The following RBKS variants were observed in gnomAD, a reference collection of about 807,000 sequenced individuals.
RBKS encodes ribokinase.
RBKS carries 33 observed loss-of-function variants against 33.9 expected under a neutral mutation model. That is an observed-to-expected ratio of 0.97 (90% confidence interval 0.74 to 1.30). The LOEUF is 1.30. RBKS is among the 50% of genes most tolerant of loss of function. RBKS has a pLI of 0.00. For synonymous variants in RBKS, 125 were observed against 143.0 expected (o/e 0.87, Z 0.90); for missense variants, 361 against 392.6 (o/e 0.92, Z 0.68).
intron 7 of RBKS, chr2:27,782,705 C>A: frequency 2.5e-6 from 1 of 403,602 alleles, no homozygotes; most frequent in Non-Finnish European, 5.5e-6. Flanking sequence ...GTAGTCTTTG[C>A]CAAGTTTCTC....
intron 7 of RBKS, among the ~76,000 whole-genome samples, chr2:27,796,460 TCA>T (rs1307966741): frequency 6.6e-6 from 1 of 152,226 alleles, no homozygotes; most frequent in Non-Finnish European, 1.5e-5. Context: ...CTTTGCCTTC[TCA>T]CAGTGATTTC....
In RBKS at chr2:27,858,519, A is replaced by C; in HGVS notation, c.142T>G (p.Phe48Val). Residue 48 changes from phenylalanine to valine, a missense_variant, in exon 2 of 8, where the codon TTT (phenylalanine) becomes GTT (valine). By Grantham distance (50) the Phe-to-Val change is conservative (BLOSUM62 -1). Transcript: ENST00000302188. ...TGETIHGHKF[F>V]IGFGGKGANQ... The stretch of plus-strand genomic sequence containing the variant: ...GCACCTTTCCCTCCAAAGCCAATAA[A>C]AAACTTATGTCCATGGATGGTTTCT... The C allele has an allele frequency of 6.2e-7, 1 of 1,614,116 alleles. No homozygotes were observed. The highest frequency in any genetic ancestry group is 8.5e-7 in the Non-Finnish European group (1 of 1,179,988).
intron 2 of RBKS, among the ~76,000 whole-genome samples, chr2:27,852,766 A>G (rs1351585024): frequency 6.6e-6 from 1 of 152,252 alleles, no homozygotes; most frequent in African/African-American, 2.4e-5. Context: ...ACCGATTTCA[A>G]AGCATTAGAA....
At chr2:27,813,101 A>T (rs539412186) in intron 7 of RBKS, among the ~76,000 whole-genome samples, 1 of 152,244 alleles carries the variant, frequency 6.6e-6, no homozygotes. Flanking sequence ...CAAGAGATCA[A>T]AATAAAAGTA....
intron 7 of RBKS, among the ~76,000 whole-genome samples, chr2:27,799,648 G>A (rs370327038): frequency 5.9e-5 from 9 of 152,344 alleles, no homozygotes; most frequent in East Asian, 3.9e-4. Context: ...GAAAGGGAGA[G>A]AGGGCAAATG....
At chr2:27,801,462 TATACACACACACAC>T (rs990763076) in intron 7 of RBKS, among the ~76,000 whole-genome samples, 12 of 83,074 alleles carry the variant, frequency 1.4e-4, no homozygotes, top group Non-Finnish European at 2.5e-4. Flanking sequence ...AGGGCCACAG[TATACACACACACAC>T]ACACACACAC....
intron 1 of RBKS, among the ~76,000 whole-genome samples, chr2:27,863,578 T>C (rs746195399): frequency 2.6e-5 from 4 of 152,190 alleles, no homozygotes; most frequent in Non-Finnish European, 4.4e-5. Flanking sequence ...GACCCGGTAA[T>C]AGGGGGATGA....
At chr2:27,885,533 T>C (rs1197036009) in intron 1 of RBKS, among the ~76,000 whole-genome samples, 2 of 152,212 alleles carry the variant, frequency 1.3e-5, no homozygotes, top group African/African-American at 2.4e-5. Flanking sequence ...ATACGGCCTT[T>C]GAGTACACTA....
At chr2:27,826,236 CTTCTT>C (rs1678309073) in intron 7 of RBKS, among the ~76,000 whole-genome samples, 1 of 152,126 alleles carries the variant, frequency 6.6e-6, no homozygotes, top group African/African-American at 2.4e-5. Context: ...TCCCCTCAGC[CTTCTT>C]TTTTCATAAT....
chr2:27,785,780 G>T (rs1198812925), intron 7 of RBKS, among the ~76,000 whole-genome samples: 2 of 150,550 alleles, frequency 1.3e-5, no homozygotes, highest in Non-Finnish European at 3.0e-5. Flanking sequence ...AAAAAAGAAA[G>T]AAAGAAAATG....
chr2:27,833,702 T>C (rs969727056), intron 5 of RBKS, among the ~76,000 whole-genome samples: 1 of 152,220 alleles, frequency 6.6e-6, no homozygotes, highest in African/African-American at 2.4e-5. Flanking sequence ...CATACCTCAA[T>C]GCCAATTCAC....
At chr2:27,883,753 T>C (rs1449803204) in intron 1 of RBKS, among the ~76,000 whole-genome samples, 1 of 151,096 alleles carries the variant, frequency 6.6e-6, no homozygotes, top group Non-Finnish European at 1.5e-5. Flanking sequence ...AGACAGAGTC[T>C]CATCACCCTG....
At chr2:27,789,925 G>GTATA (rs376783086) in intron 7 of RBKS, among the ~76,000 whole-genome samples, 1 of 130,628 alleles carries the variant, frequency 7.7e-6, no homozygotes, top group Non-Finnish European at 1.6e-5. Flanking sequence ...GTTTGTGTGT[G>GTATA]TATATATATA....
At chr2:27,858,232 T>C (rs531940972) in intron 2 of RBKS, among the ~76,000 whole-genome samples, 2 of 152,286 alleles carry the variant, frequency 1.3e-5, no homozygotes, top group African/African-American at 2.4e-5. Context: ...AGGAACTGCT[T>C]AAGGGGTAAG....
chr2:27,860,508 G>C (rs1461066209), intron 1 of RBKS, among the ~76,000 whole-genome samples: 1 of 152,158 alleles, frequency 6.6e-6, no homozygotes, highest in East Asian at 1.9e-4. Context: ...TTAGATCTGG[G>C]TTACAATTCA....
intron 7 of RBKS, among the ~76,000 whole-genome samples, chr2:27,789,975 ATATATATAT>A (rs1677489809): frequency 3.8e-5 from 5 of 131,784 alleles, no homozygotes; most frequent in South Asian, 4.6e-4. Context: ...ATATATATGT[ATATATATAT>A]GTAGAGAGAG....
At chr2:27,888,634 T>A (rs1194057070) in intron 1 of RBKS, among the ~76,000 whole-genome samples, 3 of 152,230 alleles carry the variant, frequency 2.0e-5, no homozygotes, top group Non-Finnish European at 2.9e-5. Context: ...TATAACCTTT[T>A]CTTGAAAAGA....
intron 7 of RBKS, among the ~76,000 whole-genome samples, chr2:27,826,490 C>T (rs558439508): frequency 1.3e-5 from 2 of 151,434 alleles, no homozygotes; most frequent in African/African-American, 4.9e-5. Context: ...CTCACTGCAA[C>T]CTCTGCCTCC....
intron 1 of RBKS, among the ~76,000 whole-genome samples, chr2:27,880,096 C>T (rs1664389383): frequency 6.6e-6 from 1 of 152,214 alleles, no homozygotes; most frequent in African/African-American, 2.4e-5. Flanking sequence ...AGACTTTTCC[C>T]TGGGATGCAA....
Sources: gnomAD v4.1 joint callset for allele counts (sites outside exome capture counted in the v4.1 genomes callset) on GRCh38, gnomAD v4.1.1 for gene constraint, MANE v1.5 for transcripts, NCBI Gene and HGNC (gene_info 2026-07-23, HGNC 2026-07-21) for gene names.